The following ENPP2 variants were observed in gnomAD, a reference collection of about 807,000 sequenced individuals.
ENPP2 encodes ectonucleotide pyrophosphatase/phosphodiesterase 2.
A neutral mutation model predicts 120.2 loss-of-function variants in ENPP2; 51 were observed. The observed-to-expected ratio is 0.42, with a 90% CI of 0.34 to 0.54. The LOEUF (loss-of-function observed/expected upper bound fraction) is 0.54, where lower values mean the gene tolerates loss of function less well. Among genes scored for constraint, ENPP2 ranks in the 20% least tolerant of loss-of-function variants. The pLI, the probability that ENPP2 is intolerant of heterozygous loss-of-function variation, is 0.04. For synonymous variants in ENPP2, 365 were observed against 366.4 expected, an observed-to-expected ratio of 1.00 and a Z score of 0.04; for missense variants, 920 against 1,066.5, an observed-to-expected ratio of 0.86 and a Z score of 1.91.
At chr8:119,659,163 A>G (rs533549196) in intron 1 of ENPP2, among the ~76,000 whole-genome samples, 1 of 152,066 alleles carries the variant, frequency 6.6e-6, no homozygotes, top group South Asian at 2.1e-4. Context: ...AAAAAAACAC[A>G]AAAGTTAGCC....
At chr8:119,592,473 CAAA>C (rs61330053) in intron 12 of ENPP2, among the ~76,000 whole-genome samples, 55 of 54,940 alleles carry the variant, frequency 1.0e-3, no homozygotes, top group African/African-American at 3.8e-3. Flanking sequence ...AACTCCACCT[CAAA>C]AAAAAAAAAA....
At chr8:119,589,807 C>A (rs763771021) in intron 13 of ENPP2, among the ~76,000 whole-genome samples, 13 of 152,032 alleles carry the variant, frequency 8.6e-5, no homozygotes, top group Non-Finnish European at 1.6e-4. Flanking sequence ...TGCGGCATAA[C>A]CCCAATAAAA....
At chr8:119,650,266 A>T (rs899594624) in intron 1 of ENPP2, among the ~76,000 whole-genome samples, 3 of 152,222 alleles carry the variant, frequency 2.0e-5, no homozygotes, top group Non-Finnish European at 4.4e-5. Flanking sequence ...TTCCGTTTAT[A>T]TAAAACATCT....
chr8:119,659,823 T>C (rs1817871554), intron 1 of ENPP2, among the ~76,000 whole-genome samples: 1 of 152,218 alleles, frequency 6.6e-6, no homozygotes, highest in Admixed American at 6.5e-5. Flanking sequence ...TTGTCTTGTA[T>C]TAAGAAGGCC....
rs1358937283 is a variant in ENPP2, at chr8:119,658,846, T to C, written c.21+14406A>G. 2.0e-5 allele frequency among the ~76,000 whole-genome samples: 3 copies of C among 152,272 alleles called. No homozygotes were observed. The East Asian group carries it at 5.8e-4, about 29-fold the overall frequency. On this transcript the variant is annotated intron_variant, in intron 1 of 25. Coordinates refer to the ENPP2 transcript ENST00000427067. Reference sequence around the variant, plus strand: ...TGTTCAACTAATATTGCTTGAACAATTTAACAAAGGAAGAGAATGCCGAAG... The same window carrying C: ...TGTTCAACTAATATTGCTTGAACAACTTAACAAAGGAAGAGAATGCCGAAG...
intron 3 of ENPP2, among the ~76,000 whole-genome samples, chr8:119,623,885 C>G (rs1816088348): frequency 6.6e-6 from 1 of 152,158 alleles, no homozygotes; most frequent in South Asian, 2.1e-4. Flanking sequence ...CTCAGCCTCC[C>G]AAAGTGCTGA....
chr8:119,648,689 G>A (rs1817543216), intron 1 of ENPP2, among the ~76,000 whole-genome samples: 1 of 152,218 alleles, frequency 6.6e-6, no homozygotes, highest in Non-Finnish European at 1.5e-5. Flanking sequence ...ATACAACAGT[G>A]AAGGGCATTC....
chr8:119,618,481 TTC>T (rs1324419011), intron 5 of ENPP2: 2 of 385,056 alleles, frequency 5.2e-6, no homozygotes, highest in African/African-American at 4.2e-5. Context: ...CCATATTTAA[TTC>T]TCTCTTTGGT....
At chr8:119,596,638 G>C (rs189675389) in intron 11 of ENPP2, among the ~76,000 whole-genome samples, 2 of 152,164 alleles carry the variant, frequency 1.3e-5, no homozygotes, top group African/African-American at 4.8e-5. Flanking sequence ...CAGCAGGAGA[G>C]AGAACTCACT....
intron 19 of ENPP2, among the ~76,000 whole-genome samples, chr8:119,578,819 T>C (rs1035184057): frequency 5.9e-5 from 9 of 152,108 alleles, no homozygotes; most frequent in Non-Finnish European, 1.2e-4. Flanking sequence ...AAGGGAGAAG[T>C]GGGATGATGG....
At chr8:119,642,030 A>T (rs1258331617), upstream of ENPP2, among the ~76,000 whole-genome samples, 1 of 152,228 alleles carries the variant, frequency 6.6e-6, no homozygotes, top group Non-Finnish European at 1.5e-5. Context: ...ACATCCAGGC[A>T]ACGCATAATA....
intron 8 of ENPP2, among the ~76,000 whole-genome samples, chr8:119,610,554 G>A (rs1185944718): frequency 1.3e-5 from 2 of 151,888 alleles, no homozygotes; most frequent in African/African-American, 4.8e-5. Flanking sequence ...AGATATAAGT[G>A]TCAAAGTTTC....
At chr8:119,569,882 C>T (rs912608363) in intron 20 of ENPP2, among the ~76,000 whole-genome samples, 7 of 151,982 alleles carry the variant, frequency 4.6e-5, no homozygotes, top group African/African-American at 4.8e-5. Flanking sequence ...TTTAAACATG[C>T]CTCAACTGCC....
chr8:119,673,202 C>A, intron 1 of ENPP2: 2 of 1,454,126 alleles, frequency 1.4e-6, no homozygotes, highest in Non-Finnish European at 1.9e-6. Context: ...GCAGCTGTGA[C>A]CTGGGAGCCC....
intron 1 of ENPP2, among the ~76,000 whole-genome samples, chr8:119,652,402 G>T (rs1298094143): frequency 6.6e-6 from 1 of 152,156 alleles, no homozygotes; most frequent in African/African-American, 2.4e-5. Flanking sequence ...CATATCCTGA[G>T]AATTGGCTCC....
intron 1 of ENPP2, among the ~76,000 whole-genome samples, chr8:119,649,849 G>A (rs1817577896): frequency 6.6e-6 from 1 of 152,186 alleles, no homozygotes; most frequent in African/African-American, 2.4e-5. Context: ...AAAACTGTGA[G>A]ATACCACTTT....
At chr8:119,592,571 C>A (rs1481769071) in intron 12 of ENPP2, among the ~76,000 whole-genome samples, 1 of 151,468 alleles carries the variant, frequency 6.6e-6, no homozygotes, top group Admixed American at 6.6e-5. Flanking sequence ...CACTGACAAG[C>A]CAAGGTTTTA....
intron 13 of ENPP2, 134 bp from the exon 14 acceptor site, chr8:119,587,209 GATAA>G: frequency 1.3e-6 from 1 of 755,932 alleles, no homozygotes; most frequent in Non-Finnish European, 2.2e-6. Context: ...TTGTTTGAAA[GATAA>G]ATAATTGTGT....
chr8:119,559,778 C>G (rs1400314311), intron 24 of ENPP2, among the ~76,000 whole-genome samples: 1 of 152,290 alleles, frequency 6.6e-6, no homozygotes, highest in South Asian at 2.1e-4. Context: ...TGCTGTCTTC[C>G]TCATTATGGA....
Sources: allele counts gnomAD v4.1 joint callset (sites outside exome capture counted in the v4.1 genomes callset), GRCh38; gene constraint gnomAD v4.1.1; transcripts MANE v1.5; gene names NCBI Gene and HGNC (gene_info 2026-07-23, HGNC 2026-07-21).